ARSG: variants seen among roughly 807,000 people sequenced by gnomAD.
ARSG encodes the protein arylsulfatase G, also known as ASG.
In ARSG, 37 loss-of-function variants were observed where a neutral mutation model predicts 50.5. The observed-to-expected ratio is 0.73, with a 90% confidence interval of 0.56 to 0.96. The LOEUF is 0.96. Among genes scored for constraint, ARSG ranks in the 50% least tolerant of loss-of-function variants. The pLI is 0.00. For missense variants in ARSG, 629 were observed against 675.3 expected (o/e 0.93, Z 0.76); for synonymous variants, 225 against 254.6 (o/e 0.88, Z 1.11).
At chr17:68,385,783 C>A (rs2080694082) in intron 9 of ARSG, among the ~76,000 whole-genome samples, 2 of 152,092 alleles carry the variant, frequency 1.3e-5, no homozygotes, top group Admixed American at 6.6e-5. Flanking sequence ...TCCTTTGAGA[C>A]CTAATTGTTC....
At chr17:68,421,577 C>T, downstream of ARSG, 1 of 657,228 alleles carries the variant, frequency 1.5e-6, no homozygotes, top group Non-Finnish European at 2.7e-6. Flanking sequence ...TACAATGTCT[C>T]CCGCGCCCAT....
the ARSG span, among the ~76,000 whole-genome samples, chr17:68,439,858 G>A: frequency 1.3e-5 from 2 of 152,130 alleles, no homozygotes; most frequent in African/African-American, 2.4e-5. Context: ...CCAAGCCTTC[G>A]TTTCTTACTT....
rs555888280 is a variant in ARSG, at chr17:68,366,673, A to ATGTGTGTGTGTGTGTGTGTG, written c.705-1872_705-1871insGTGTGTGTGTGTGTGTGTGT. Among the ~76,000 whole-genome samples the ATGTGTGTGTGTGTGTGTGTG allele has an allele frequency of 8.2e-4, 111 of 134,996 alleles. 2 individuals are homozygous for ATGTGTGTGTGTGTGTGTGTG. The highest frequency in any genetic ancestry group is 2.9e-3 in the African/African-American group (105 of 36,190). 88.6% of individuals were successfully genotyped at this position (134,996 alleles called of 152,430 possible). A position where few individuals can be genotyped will look rare whatever the true frequency, so the allele number is the denominator to read the frequency against. On this transcript the variant is annotated intron_variant, in intron 6 of 11. Transcript: ENST00000621439. ...GCATTTGAAATGTGGCTAGGAATTT[A>ATGTGTGTGTGTGTGTGTGTG]TGTATGTGTGTGTGTGTGTGTGTGT...
intron 8 of ARSG, 38 bp from the exon 9 acceptor site, chr17:68,385,026 C>T (rs2080631848): frequency 6.4e-7 from 1 of 1,553,878 alleles, no homozygotes. Context: ...CTCGAGTTAT[C>T]ACCATGGATG....
intron 11 of ARSG, 98 bp downstream of exon 11, chr17:68,401,548 T>A (rs1256455215): frequency 1.8e-6 from 2 of 1,098,642 alleles, no homozygotes; most frequent in Non-Finnish European, 2.6e-6. Context: ...TGTGAGTCCC[T>A]CCTTTGTGGG....
In ARSG at chr17:68,381,699, G is replaced by C. The variant is rs2080440472; in HGVS notation, c.983-3365G>C. 6.6e-6 allele frequency among the ~76,000 whole-genome samples: 1 copy of C among 152,138 alleles called. No homozygotes were observed. The highest frequency in any genetic ancestry group is 2.1e-4 in the South Asian group (1 of 4,832). Reference sequence around the variant, plus strand: ...TGTTCTCTTCCCGATCTTGCCCCTTGCCCTCCTTCCCTGGGAATGAGTGCT... The same window carrying C: ...TGTTCTCTTCCCGATCTTGCCCCTTCCCCTCCTTCCCTGGGAATGAGTGCT... On this transcript the variant is annotated intron_variant, in intron 8 of 11. Transcript: ENST00000621439. The surrounding 1 kb of genome is among the most constrained non-coding windows in gnomAD (Gnocchi z 4.1).
intron 2 of ARSG, among the ~76,000 whole-genome samples, chr17:68,333,122 A>G (rs1318690095): frequency 6.6e-6 from 1 of 151,780 alleles, no homozygotes; most frequent in Non-Finnish European, 1.5e-5. Flanking sequence ...CATCCTGGCT[A>G]ACATGGTGAA....
chr17:68,351,738 A>C, intron 5 of ARSG, 52 bp downstream of exon 5: 1 of 1,210,004 alleles, frequency 8.3e-7, no homozygotes, highest in Non-Finnish European at 1.2e-6. Context: ...GCAAAGTTCC[A>C]AGACTGTGGT....
chr17:68,261,121 T>G (rs1353968573), intron 1 of ARSG, among the ~76,000 whole-genome samples: 1 of 152,204 alleles, frequency 6.6e-6, no homozygotes, highest in African/African-American at 2.4e-5. Flanking sequence ...ATCCAGCTGT[T>G]TCGTAGCAGC....
chr17:68,425,919 T>C, downstream of ARSG: 1 of 644,558 alleles, frequency 1.6e-6, no homozygotes, highest in Non-Finnish European at 2.7e-6. Flanking sequence ...AAGCACACAG[T>C]ACAACAAATA....
intron 2 of ARSG, among the ~76,000 whole-genome samples, chr17:68,309,368 G>A (rs1385165755): frequency 3.3e-5 from 5 of 152,234 alleles, no homozygotes; most frequent in East Asian, 1.9e-4. Context: ...ACAGTGCAGC[G>A]GTGGGCTGAA....
intron 8 of ARSG, among the ~76,000 whole-genome samples, chr17:68,373,928 C>T (rs1221104313): frequency 4.6e-5 from 7 of 151,626 alleles, no homozygotes; most frequent in South Asian, 2.1e-4. Context: ...GAGGCCGAGG[C>T]GGGCGGATCA....
intron 7 of ARSG, among the ~76,000 whole-genome samples, chr17:68,369,424 C>A (rs1568534102): frequency 6.6e-6 from 1 of 152,130 alleles, no homozygotes; most frequent in African/African-American, 2.4e-5. Flanking sequence ...CCTGTAGTCC[C>A]AGCTACTCTG....
rs2079593233 is a variant in ARSG at position 68,367,329 on chromosome 17, G to T, written c.705-1219G>T. Among the ~76,000 whole-genome samples, 1 of 152,210 alleles carries T rather than the reference G, an allele frequency of 6.6e-6. No homozygotes were observed. The highest frequency in any genetic ancestry group is 1.5e-5 in the Non-Finnish European group (1 of 68,036). On this transcript the variant is annotated intron_variant, in intron 6 of 11. Transcript: ENST00000621439. This position sits in a 1 kb window ranked among gnomAD's most constrained non-coding sequence, Gnocchi z 4.5. ...GGATTTGAGGGCACAGTTGGCTATAGAGCAAGGCTGTAAGGTGGTGTAAAC... is the reference window on the plus strand; with the variant it reads ...GGATTTGAGGGCACAGTTGGCTATATAGCAAGGCTGTAAGGTGGTGTAAAC...
Position 68,270,741 on chromosome 17 carries a change from T to C in ARSG, c.-552+11315T>C. The stretch of plus-strand genomic sequence containing the variant: ...GCAGCTCTAAAATTCAATGGAAATA[T>C]AAAACGGCAGTAAGTTTTTTTTATG... On this transcript the variant is annotated intron_variant, in intron 1 of 11. Coordinates refer to the ARSG transcript ENST00000448504. 7 of 1,043,824 alleles carry C rather than the reference T, an allele frequency of 6.7e-6. No homozygotes were observed. In the South Asian group the frequency reaches 6.7e-5, roughly 10 times the overall value. The allele number at this position is 1,043,824 out of a possible 1,614,324, so 64.7% of individuals were successfully genotyped here.
At chr17:68,427,206 C>G (rs2083255579), downstream of ARSG, 1 of 1,614,048 alleles carries the variant, frequency 6.2e-7, no homozygotes, top group South Asian at 1.1e-5. Context: ...TAAGGAAGGT[C>G]TGAGGTCATT....
intron 1 of ARSG, chr17:68,274,228 G>A: frequency 6.0e-6 from 4 of 667,354 alleles, no homozygotes; most frequent in Non-Finnish European, 9.6e-6. Context: ...CACTTTGGGA[G>A]GTTGAGGACG....
chr17:68,319,260 A>G (rs1555769749), intron 2 of ARSG, among the ~76,000 whole-genome samples: 1 of 152,184 alleles, frequency 6.6e-6, no homozygotes, highest in East Asian at 1.9e-4. Flanking sequence ...TTGTCCTCTG[A>G]CCTTCACCAT....
intron 1 of ARSG, among the ~76,000 whole-genome samples, chr17:68,296,707 C>A (rs1555758374): frequency 6.6e-6 from 1 of 152,118 alleles, no homozygotes; most frequent in African/African-American, 2.4e-5. Context: ...CATCCATAGC[C>A]CACTCGTGAG....
Sources: gnomAD v4.1 joint callset for allele counts (sites outside exome capture counted in the v4.1 genomes callset) on GRCh38, gnomAD v4.1.1 for gene constraint, Gnocchi (gnomAD v3.1) non-coding constraint, MANE v1.5 for transcripts, NCBI Gene and HGNC (gene_info 2026-07-23, HGNC 2026-07-21) for gene names.